Variants in TMPRSS11D observed in about 807,000 individuals in gnomAD.
The protein encoded by TMPRSS11D is transmembrane protease serine 11D.
TMPRSS11D carries 32 observed loss-of-function variants against 44.4 expected under a neutral mutation model. The ratio of observed to expected loss-of-function variants is 0.72; its 90% CI spans 0.54 to 0.97. The LOEUF is 0.97. TMPRSS11D is among the 50% of genes least tolerant of loss of function. The pLI is 0.00. For synonymous variants in TMPRSS11D, 179 were observed against 177.9 expected (o/e 1.01, Z -0.05); for missense variants, 446 against 502.6 (o/e 0.89, Z 1.08).
Position 67,838,162 on chromosome 4 carries a change from T to A in TMPRSS11D, c.475+10A>T. 2 of 1,496,260 alleles carry A rather than the reference T, an allele frequency of 1.3e-6. No homozygotes were observed. The highest frequency in any genetic ancestry group is 8.9e-7 in the Non-Finnish European group (1 of 1,123,022). The allele number at this position is 1,496,260 out of a possible 1,614,324, so 92.7% of individuals were successfully genotyped here. On this transcript the variant is annotated intron_variant, in intron 5 of 9. Transcript: ENST00000283916. Reference sequence around the variant, plus strand: ...TTGAAATAAAATTGTTTATGAAAAATTATACTTACATGTTATCTCAGTTGA... The same window carrying A: ...TTGAAATAAAATTGTTTATGAAAAAATATACTTACATGTTATCTCAGTTGA...
chr4:67,838,362 T>C, intron 4 of TMPRSS11D, 33 bp from the exon 5 acceptor site: 1 of 1,496,414 alleles, frequency 6.7e-7, no homozygotes, highest in East Asian at 2.4e-5. Context: ...AAAAAACAAA[T>C]AATATGACAA....
At chr4:67,849,043 C>A (rs911213928) in intron 3 of TMPRSS11D, among the ~76,000 whole-genome samples, 9 of 152,060 alleles carry the variant, frequency 5.9e-5, no homozygotes, top group African/African-American at 1.7e-4. Flanking sequence ...CTTGGATAGT[C>A]ATGCAGCAAT....
At chr4:67,878,742 G>T (rs1452969586) in intron 1 of TMPRSS11D, among the ~76,000 whole-genome samples, 1 of 151,976 alleles carries the variant, frequency 6.6e-6, no homozygotes, top group South Asian at 2.1e-4. Context: ...TGACCAACAT[G>T]GTGAAACCCC....
At chr4:67,849,095 G>T (rs1718431326) in intron 3 of TMPRSS11D, among the ~76,000 whole-genome samples, 1 of 152,102 alleles carries the variant, frequency 6.6e-6, no homozygotes, top group Non-Finnish European at 1.5e-5. Flanking sequence ...AAATACAGGG[G>T]ATTAAGAATA....
At chr4:67,871,143 A>T (rs183857335) in intron 1 of TMPRSS11D, among the ~76,000 whole-genome samples, 1 of 46,160 alleles carries the variant, frequency 2.2e-5, no homozygotes, top group Non-Finnish European at 5.0e-5. Flanking sequence ...TCTATAAAGG[A>T]AGGTGATGAA....
At chr4:67,837,887 C>G (rs1362526383) in intron 5 of TMPRSS11D, 1 of 231,274 alleles carries the variant, frequency 4.3e-6, no homozygotes. Context: ...TATGGCCTAT[C>G]CACTAATGAC....
At chr4:67,841,681 C>T (rs1478245779) in intron 4 of TMPRSS11D, among the ~76,000 whole-genome samples, 1 of 152,166 alleles carries the variant, frequency 6.6e-6, no homozygotes, top group Non-Finnish European at 1.5e-5. Context: ...GATACAGATA[C>T]TGACAAGAAA....
chr4:67,843,251 A>C (rs1441235343), intron 3 of TMPRSS11D, among the ~76,000 whole-genome samples: 2 of 151,820 alleles, frequency 1.3e-5, no homozygotes, highest in African/African-American at 4.8e-5. Flanking sequence ...TGTTGTGCTT[A>C]AGAATCCTGC....
intron 2 of TMPRSS11D, among the ~76,000 whole-genome samples, 174 bp downstream of exon 2, chr4:67,859,383 T>G (rs1718739297): frequency 6.6e-6 from 1 of 152,074 alleles, no homozygotes; most frequent in South Asian, 2.1e-4. Context: ...GAAAAAATAC[T>G]GATTCAGTAA....
rs569770137 is a variant in TMPRSS11D at position 67,852,960 on chromosome 4, A to G, written c.249+1108T>C. Among the ~76,000 whole-genome samples, 3 of 152,348 alleles carry G rather than the reference A, an allele frequency of 2.0e-5. No individual in the cohort carries two copies. In the South Asian group the frequency reaches 6.2e-4, roughly 32 times the overall value. Reference sequence around the variant, plus strand: ...GTGGCATGAGATCAACACAGATACAATTTTGTGGCGAGGTGATGTGGAAGG... The same window carrying G: ...GTGGCATGAGATCAACACAGATACAGTTTTGTGGCGAGGTGATGTGGAAGG... On this transcript the variant is annotated intron_variant, in intron 3 of 9. Transcript: ENST00000283916.
At chr4:67,831,215 G>A (rs1367884863) in intron 7 of TMPRSS11D, among the ~76,000 whole-genome samples, 2 of 152,142 alleles carry the variant, frequency 1.3e-5, no homozygotes, top group African/African-American at 4.8e-5. Context: ...AGGAAAGAGA[G>A]TATCAGGGAA....
chr4:67,871,735 T>C (rs572755907), intron 1 of TMPRSS11D, among the ~76,000 whole-genome samples: 2 of 152,240 alleles, frequency 1.3e-5, no homozygotes, highest in African/African-American at 2.4e-5. Context: ...TAATTCAGAT[T>C]ATGAGGCCTT....
intron 4 of TMPRSS11D, among the ~76,000 whole-genome samples, chr4:67,842,215 G>T (rs1718248860): frequency 6.6e-6 from 1 of 152,136 alleles, no homozygotes; most frequent in Admixed American, 6.6e-5. Flanking sequence ...CCACAGCATT[G>T]TACAACTCCA....
intron 3 of TMPRSS11D, among the ~76,000 whole-genome samples, chr4:67,849,241 G>C (rs1345903531): frequency 6.6e-6 from 1 of 152,130 alleles, no homozygotes; most frequent in African/African-American, 2.4e-5. Context: ...AAGCTAGGAT[G>C]GTGTGGGGAC....
Position 67,859,626 on chromosome 4 carries a change from A to C in TMPRSS11D, c.61T>G (p.Phe21Val). Residue 21 changes from phenylalanine (F) to valine (V), a missense_variant, in exon 2 of 10, where the codon TTC (phenylalanine) becomes GTC (valine). Phe to Val is a conservative substitution (Grantham distance 50). Coordinates refer to ENST00000283916, the MANE Select transcript of TMPRSS11D (RefSeq NM_004262.3). ...SRFLNPYVVCFIVVAGVVILA... is the reference protein window; with the variant it reads ...SRFLNPYVVCVIVVAGVVILA... ...ATCACTACCCCTGCGACGACAATGAAACATACTACATATGGATTCAGAAAT... is the reference window on the plus strand; with the variant it reads ...ATCACTACCCCTGCGACGACAATGACACATACTACATATGGATTCAGAAAT... 2 of 1,613,274 alleles carry C rather than the reference A, an allele frequency of 1.2e-6. No individual in the cohort carries two copies. The highest frequency in any genetic ancestry group is 1.7e-6 in the Non-Finnish European group (2 of 1,179,394).
intron 2 of TMPRSS11D, among the ~76,000 whole-genome samples, chr4:67,856,116 T>C (rs915085385): frequency 2.0e-5 from 3 of 152,198 alleles, no homozygotes; most frequent in African/African-American, 7.2e-5. Context: ...AACATCACTT[T>C]TCACAGAAAT....
intron 2 of TMPRSS11D, among the ~76,000 whole-genome samples, chr4:67,854,867 A>G (rs1448930671): frequency 6.6e-6 from 1 of 152,212 alleles, no homozygotes; most frequent in Admixed American, 6.5e-5. Flanking sequence ...TTCTCCTCAA[A>G]CTATTCAAAA....
In TMPRSS11D at chr4:67,835,089, T is replaced by C; in HGVS notation, c.508A>G (p.Ile170Val). The C allele has an allele frequency of 6.2e-7, 1 of 1,612,426 alleles. No homozygotes were observed. Among genetic ancestry groups the C allele is most frequent in the Non-Finnish European group, 8.5e-7 (1 of 1,178,842 alleles). The change falls in exon 6 of 10, where the codon ATT becomes GTT. Residue 170 changes from isoleucine (I) to valine (V), a missense_variant. Coordinates refer to ENST00000283916, the MANE Select transcript of TMPRSS11D (RefSeq NM_004262.3). ...LTDQAAANWLINECGAGPDLI... is the reference protein window; with the variant it reads ...LTDQAAANWLVNECGAGPDLI... The stretch of plus-strand genomic sequence containing the variant: ...AAATAATATTAAAACTTACCATTAA[T>C]AAGCCAATTTGCTGCAGCCTGGTCA...
chr4:67,825,679 A>C, intron 9 of TMPRSS11D, 53 bp downstream of exon 9: 1 of 1,588,022 alleles, frequency 6.3e-7, no homozygotes, highest in South Asian at 1.1e-5. Context: ...CATACTAGGA[A>C]GTGCTTATAC....
Sources: gnomAD v4.1 joint callset for allele counts (sites outside exome capture counted in the v4.1 genomes callset) on GRCh38, gnomAD v4.1.1 for gene constraint, MANE v1.5 for transcripts, NCBI Gene and HGNC (gene_info 2026-07-23, HGNC 2026-07-21) for gene names.